The following TANK variants were observed in gnomAD, a reference collection of about 807,000 sequenced individuals.
TANK encodes TRAF family member associated NFKB activator, also known as TRAF family member-associated NF-kappa-B activator.
TANK carries 15 observed loss-of-function variants against 43.6 expected under a neutral mutation model. The ratio of observed to expected loss-of-function variants is 0.34; its 90% confidence interval spans 0.23 to 0.53. TANK has a LOEUF of 0.53. Ranked by LOEUF, TANK falls within the 20% of genes least tolerant of loss-of-function variation. The pLI, the probability that TANK is intolerant of heterozygous loss-of-function variation, is 0.94. For synonymous variants in TANK, 162 were observed against 178.2 expected, an observed-to-expected ratio of 0.91 and a Z score of 0.73; for missense variants, 417 against 498.6, an observed-to-expected ratio of 0.84 and a Z score of 1.56.
upstream of TANK, chr2:161,156,010 T>C: frequency 3.1e-6 from 3 of 956,906 alleles, no homozygotes; most frequent in Non-Finnish European, 3.7e-6. Flanking sequence ...ACAAGATAGG[T>C]CATTAATATA....
intron 1 of TANK, among the ~76,000 whole-genome samples, chr2:161,172,883 G>T (rs996085024): frequency 5.3e-5 from 8 of 152,050 alleles, no homozygotes; most frequent in Non-Finnish European, 1.0e-4. Flanking sequence ...TCTAGTTCAA[G>T]CCCTCATCTT....
intron 4 of TANK, chr2:161,212,634 G>A (rs1574045363): frequency 2.1e-5 from 21 of 985,340 alleles, no homozygotes; most frequent in Non-Finnish European, 2.5e-5. Context: ...AAATTCGAAT[G>A]TCTCTAGTAT....
At chr2:161,216,389 C>T (rs776063603) in intron 4 of TANK, 1 of 469,616 alleles carries the variant, frequency 2.1e-6, no homozygotes, top group African/African-American at 2.0e-5. Flanking sequence ...TGTGCTGCAG[C>T]CTGAGACTCC....
intron 6 of TANK, among the ~76,000 whole-genome samples, chr2:161,228,020 C>G (rs1340013506): frequency 1.3e-5 from 2 of 152,116 alleles, no homozygotes; most frequent in Non-Finnish European, 2.9e-5. Flanking sequence ...ATTACAGATT[C>G]ATTCAGAATT....
chr2:161,213,658 A>G (rs1014478548), intron 4 of TANK, among the ~76,000 whole-genome samples: 4 of 143,772 alleles, frequency 2.8e-5, no homozygotes, highest in African/African-American at 1.0e-4. Flanking sequence ...TTTTTTTTTC[A>G]GTGTTATGAA....
intron 2 of TANK, among the ~76,000 whole-genome samples, chr2:161,190,928 C>A (rs1685887125): frequency 6.6e-6 from 1 of 151,962 alleles, no homozygotes; most frequent in South Asian, 2.1e-4. Flanking sequence ...ATATATTTTA[C>A]CATATTTTTA....
At chr2:161,138,585 G>A (rs1683653822) in intron 1 of TANK, among the ~76,000 whole-genome samples, 1 of 152,142 alleles carries the variant, frequency 6.6e-6, no homozygotes, top group Admixed American at 6.6e-5. Flanking sequence ...GCATACAGGT[G>A]GGCACACTAG....
chr2:161,179,912 G>C, intron 2 of TANK, 151 bp downstream of exon 2: 1 of 1,269,322 alleles, frequency 7.9e-7, no homozygotes, highest in Non-Finnish European at 1.0e-6. Context: ...TAAATTTGAA[G>C]TTTTTGTTTG....
intron 1 of TANK, among the ~76,000 whole-genome samples, chr2:161,151,391 T>C (rs1684077235): frequency 6.6e-6 from 1 of 152,178 alleles, no homozygotes; most frequent in Non-Finnish European, 1.5e-5. Context: ...ACTATTGTAG[T>C]ACTGTCTATT....
chr2:161,175,774 C>T (rs897886289), intron 1 of TANK, among the ~76,000 whole-genome samples: 4 of 152,056 alleles, frequency 2.6e-5, no homozygotes, highest in South Asian at 2.1e-4. Flanking sequence ...GGACAAGAAC[C>T]GACTGCCCTC....
chr2:161,214,501 C>CT (rs1687033294), intron 4 of TANK, among the ~76,000 whole-genome samples: 1 of 101,320 alleles, frequency 9.9e-6, no homozygotes, highest in South Asian at 3.9e-4. Flanking sequence ...TTGAAACTGC[C>CT]TTTTTTTGCT....
intron 1 of TANK, among the ~76,000 whole-genome samples, chr2:161,166,691 G>A (rs772237944): frequency 6.6e-6 from 1 of 152,094 alleles, no homozygotes; most frequent in Non-Finnish European, 1.5e-5. Flanking sequence ...GAAGGCTGAG[G>A]TGGAAGGATT....
chr2:161,225,009 C>G (rs558969637), intron 6 of TANK, among the ~76,000 whole-genome samples: 3 of 151,952 alleles, frequency 2.0e-5, no homozygotes, highest in Admixed American at 1.3e-4. Context: ...AATGAGACAT[C>G]CCACCTTAAA....
chr2:161,219,753 A>G lies in TANK; in HGVS notation c.328-4162A>G, dbSNP rs149994270. 1.0e-3 allele frequency: 480 copies of G among 465,628 alleles called. 2 individuals are homozygous for G. The highest frequency in any genetic ancestry group is 9.0e-3 in the African/African-American group (448 of 49,756). The allele number at this position is 465,628 out of a possible 1,614,324, so 28.8% of individuals were successfully genotyped here. ...ATCCAGTGCTTGACTTCACTATAAC[A>G]TCTTTTGTCTCAGTATATGTAGACT... On this transcript the variant is annotated intron_variant, in intron 4 of 7. Coordinates refer to ENST00000392749, the MANE Select transcript of TANK (RefSeq NM_001199135.3).
intron 4 of TANK, among the ~76,000 whole-genome samples, chr2:161,217,434 G>A (rs1337354702): frequency 1.3e-5 from 2 of 152,094 alleles, no homozygotes; most frequent in African/African-American, 4.8e-5. Flanking sequence ...TGGAATTTCA[G>A]CCACTACTGT....
intron 1 of TANK, among the ~76,000 whole-genome samples, chr2:161,179,158 G>A (rs963108793): frequency 7.2e-5 from 11 of 152,064 alleles, no homozygotes; most frequent in East Asian, 1.9e-4. Flanking sequence ...ACAACAGTGC[G>A]AACTCCATCC....
intron 1 of TANK, among the ~76,000 whole-genome samples, chr2:161,144,084 C>A (rs1054637070): frequency 6.6e-6 from 1 of 152,150 alleles, no homozygotes; most frequent in African/African-American, 2.4e-5. Context: ...TCTAGATTTT[C>A]TAGCTTATTT....
At chr2:161,174,173 GAA>G (rs1480178020) in intron 1 of TANK, among the ~76,000 whole-genome samples, 1 of 152,092 alleles carries the variant, frequency 6.6e-6, no homozygotes, top group Admixed American at 6.6e-5. Flanking sequence ...TGTATGATGT[GAA>G]AAGTGATGTT....
At chr2:161,202,284 G>A (rs1026234803) in intron 2 of TANK, among the ~76,000 whole-genome samples, 3 of 150,032 alleles carry the variant, frequency 2.0e-5, no homozygotes, top group Non-Finnish European at 4.4e-5. Flanking sequence ...CCGCCTCCCG[G>A]GTTCACATCA....
Sources: allele counts gnomAD v4.1 joint callset (sites outside exome capture counted in the v4.1 genomes callset), GRCh38; gene constraint gnomAD v4.1.1; transcripts MANE v1.5; gene names NCBI Gene and HGNC (gene_info 2026-07-23, HGNC 2026-07-21).